ZNF775: variants seen among roughly 807,000 people sequenced by gnomAD.
The protein encoded by ZNF775 is zinc finger protein 775.
ZNF775 carries 1 observed loss-of-function variant against 2.4 expected under a neutral mutation model. The observed-to-expected ratio is 0.41, with a 90% CI of 0.15 to 1.94. The LOEUF is 1.94. ZNF775 is among the 30% of genes most tolerant of loss of function. The probability of loss-of-function intolerance (pLI) is 0.30; values close to 1 mark genes in which losing one functional copy is unlikely to be tolerated. For missense variants in ZNF775, 823 were observed against 826.6 expected (o/e 1.00, Z 0.05); for synonymous variants, 381 against 373.3 (o/e 1.02, Z -0.24).
At position 150,398,188 on chromosome 7, in the gene ZNF775, ACC is replaced by A; in HGVS notation, c.*96_*97del. On this transcript the variant is annotated 3_prime_UTR_variant, in exon 3 of 3. Transcript: ENST00000329630. ...GTGGCCAGGATTGCTGGCTCTTAGAACCCCTTAGAGCGGGACCGGTGGATTCC... is the reference window on the plus strand; with the variant it reads ...GTGGCCAGGATTGCTGGCTCTTAGAACCTTAGAGCGGGACCGGTGGATTCC... The A allele has an allele frequency of 6.7e-7, 1 of 1,499,574 alleles. No homozygotes were observed. Among genetic ancestry groups the A allele is most frequent in the South Asian group, 1.2e-5 (1 of 81,338 alleles). The allele number at this position is 1,499,574 out of a possible 1,614,324, so 92.9% of individuals were successfully genotyped here. A position where few individuals can be genotyped will look rare whatever the true frequency, so the allele number is the denominator to read the frequency against.
intron 2 of ZNF775, among the ~76,000 whole-genome samples, chr7:150,390,306 G>C (rs1444998550): frequency 6.6e-6 from 1 of 152,092 alleles, no homozygotes; most frequent in East Asian, 1.9e-4. Context: ...TTAGCACCTC[G>C]CCCAACCCAG....
intron 2 of ZNF775, among the ~76,000 whole-genome samples, chr7:150,388,951 T>C (rs1473072662): frequency 1.3e-5 from 2 of 152,260 alleles, no homozygotes; most frequent in South Asian, 2.1e-4. Context: ...AGGGTCGTTA[T>C]TGGCTAAGCC....
chr7:150,397,117 G>GCACGCCCGGGACCGC lies in ZNF775; in HGVS notation c.639_653dup (p.His213_Arg217dup). On this transcript the variant is annotated inframe_insertion, in exon 3 of 3. Coordinates refer to ENST00000329630, the MANE Select transcript of ZNF775 (RefSeq NM_173680.4). ...TGGGCCTCCGCATCCACCAGCGCGC[G>GCACGCCCGGGACCGC]CACGCCCGGGACCGCCAGGGCTCCC... 1 of 1,527,180 alleles carries GCACGCCCGGGACCGC rather than the reference G, an allele frequency of 6.5e-7. No individual in the cohort carries two copies. Among genetic ancestry groups the GCACGCCCGGGACCGC allele is most frequent in the Non-Finnish European group, 8.7e-7 (1 of 1,145,668 alleles). 94.6% of individuals were successfully genotyped at this position (1,527,180 alleles called of 1,614,324 possible).
At chr7:150,391,153 G>T (rs980015049) in intron 2 of ZNF775, among the ~76,000 whole-genome samples, 2 of 152,188 alleles carry the variant, frequency 1.3e-5, no homozygotes, top group African/African-American at 4.8e-5. Context: ...TCCTGGACTT[G>T]CACTGTCCAG....
intron 2 of ZNF775, among the ~76,000 whole-genome samples, chr7:150,395,753 C>A (rs139540436): frequency 1.4e-4 from 21 of 152,324 alleles, no homozygotes; most frequent in African/African-American, 4.6e-4. Context: ...CAAGTGTGGG[C>A]TGGGAGCAGT....
rs1373343658 is a variant in ZNF775 at position 150,398,030 on chromosome 7, C to G, written c.1549C>G (p.Leu517Val). 5 of 1,578,618 alleles carry G rather than the reference C, an allele frequency of 3.2e-6. No individual in the cohort carries two copies. Among genetic ancestry groups the G allele is most frequent in the Non-Finnish European group, 4.3e-6 (5 of 1,167,888 alleles). Residue 517 changes from leucine to valine, a missense_variant, in exon 3 of 3, where the codon CTG (leucine) becomes GTG (valine). By Grantham distance (32) the Leu-to-Val change is conservative (BLOSUM62 1). Transcript: ENST00000329630. ...CGRGFSQKQH[L>V]LKHQRVHRAA... ...CCGCGGCTTCAGCCAGAAGCAGCAC[C>G]TGCTCAAGCACCAGCGCGTGCACCG...
At chr7:150,381,422 C>G (rs936374965) in intron 1 of ZNF775, among the ~76,000 whole-genome samples, 5 of 152,116 alleles carry the variant, frequency 3.3e-5, no homozygotes, top group African/African-American at 7.2e-5. Context: ...GCTGTTCATA[C>G]CCTGAGGTAC....
chr7:150,397,580 C>T lies in ZNF775; in HGVS notation c.1099C>T (p.Pro367Ser). ...GCACCTGCCCGGCGCCCAGGCTGCG[C>T]CCTGCCCCAGCTGCGGTAAGAGCTG... ...RTHLPGAQAA[P>S]CPSCGKSCRS... is the part of the protein sequence containing the mutation. Residue 367 changes from proline (P) to serine (S), a missense_variant, in exon 3 of 3, where the codon CCC becomes TCC. By Grantham distance (74) the Pro-to-Ser change is moderately conservative (BLOSUM62 -1). Transcript: ENST00000329630. 3 of 1,485,704 alleles carry T rather than the reference C, an allele frequency of 2.0e-6. No individual in the cohort carries two copies. The highest frequency in any genetic ancestry group is 2.7e-6 in the Non-Finnish European group (3 of 1,125,696). The allele number at this position is 1,485,704 out of a possible 1,614,324, so 92.0% of individuals were successfully genotyped here.
chr7:150,397,698 C>T lies in ZNF775; in HGVS notation c.1217C>T (p.Ala406Val). 7.2e-7 allele frequency: 1 copy of T among 1,386,048 alleles called. No homozygotes were observed. Among genetic ancestry groups the T allele is most frequent in the Non-Finnish European group, 9.3e-7 (1 of 1,079,164 alleles). 85.9% of individuals were successfully genotyped at this position (1,386,048 alleles called of 1,614,324 possible). ...GGGGAACCGGGCGACCAGCCGCAGG[C>T]CGAGGCCATCCCGGGCTTGGCCGCG... ...PAGEPGDQPQ[A>V]EAIPGLAARP... Residue 406 changes from alanine to valine, a missense_variant, in exon 3 of 3, where the codon GCC (alanine) becomes GTC (valine). Physicochemically the swap from Ala to Val is moderately conservative, Grantham distance 64. Transcript: ENST00000329630.
rs1346891147 is a variant in ZNF775 at position 150,396,593 on chromosome 7, G to C, written c.112G>C (p.Glu38Gln). The change falls in exon 3 of 3, where the codon GAG becomes CAG. Residue 38 changes from glutamate (E) to glutamine (Q), a missense_variant. Transcript: ENST00000329630. Reference protein sequence around the residue: ...QTLAPQAMLVEKDKENIFQQH... With the variant: ...QTLAPQAMLVQKDKENIFQQH... ...GCTGGCGCCGCAGGCCATGCTTGTGGAGAAGGACAAGGAGAACATATTTCA... is the reference window on the plus strand; with the variant it reads ...GCTGGCGCCGCAGGCCATGCTTGTGCAGAAGGACAAGGAGAACATATTTCA... 1 of 1,610,394 alleles carries C rather than the reference G, an allele frequency of 6.2e-7. No homozygotes were observed. The highest frequency in any genetic ancestry group is 1.1e-5 in the South Asian group (1 of 90,458).
rs1293704712 is a variant in ZNF775, at chr7:150,397,753, G to A, written c.1272G>A (p.Gly424=). The stretch of plus-strand genomic sequence containing the variant: ...CGCGGAGCTCCCAACGGTCCCCGGG[G>A]GCCCGGGACACGCTGTGGGGCCGGG... ...ARPRSSQRSP[G]ARDTLWGRGQ... is the part of the protein sequence containing the mutation. The change falls in exon 3 of 3, where the codon GGG becomes GGA. Residue 424 remains glycine, a synonymous_variant. Coordinates refer to ENST00000329630, the MANE Select transcript of ZNF775 (RefSeq NM_173680.4). The A allele has an allele frequency of 6.7e-7, 1 of 1,490,248 alleles. No individual in the cohort carries two copies. 92.3% of individuals were successfully genotyped at this position (1,490,248 alleles called of 1,614,324 possible).
chr7:150,392,549 CTCTCT>C (rs1800578036), intron 2 of ZNF775, among the ~76,000 whole-genome samples: 1 of 8,526 alleles, frequency 1.2e-4, no homozygotes, highest in African/African-American at 1.5e-4. Flanking sequence ...AAATGGATCT[CTCTCT>C]CTCTCTCTCT....
At chr7:150,393,616 C>T (rs1419598691) in intron 2 of ZNF775, among the ~76,000 whole-genome samples, 1 of 152,224 alleles carries the variant, frequency 6.6e-6, no homozygotes, top group Non-Finnish European at 1.5e-5. Context: ...TGCTCAGCCT[C>T]ACTGTGTGCA....
chr7:150,396,279 A>G lies in ZNF775; in HGVS notation c.32-234A>G, dbSNP rs533610242. ...GTATTTTTCTCCTTCACTCCTTTCT[A>G]TATCTTAACCTGCCCTTGTTGTCCT... is the stretch of plus-strand genomic sequence containing the variant. On this transcript the variant is annotated intron_variant, in intron 2 of 2. Transcript: ENST00000329630. Among the ~76,000 whole-genome samples the G allele has an allele frequency of 1.3e-4, 20 of 151,882 alleles. No homozygotes were observed. The South Asian group carries it at 3.8e-3, about 29-fold the overall frequency.
rs1258814227 is a variant in ZNF775 at position 150,384,138 on chromosome 7, G to T, written c.-49-4284G>T. On this transcript the variant is annotated intron_variant, in intron 1 of 2. Coordinates refer to ENST00000329630, the MANE Select transcript of ZNF775 (RefSeq NM_173680.4). This position sits in a 1 kb window ranked among gnomAD's most constrained non-coding sequence, Gnocchi z 4.1. ...TAACTGAACTGCAGCCTGACCCGGT[G>T]CGCGGAGGGCCGGGCCAGGGCCAGG... Among the ~76,000 whole-genome samples the T allele has an allele frequency of 6.6e-6, 1 of 152,238 alleles. No homozygotes were observed. The highest frequency in any genetic ancestry group is 1.9e-4 in the East Asian group (1 of 5,190).
At chr7:150,381,241 G>A (rs1800355603) in intron 1 of ZNF775, among the ~76,000 whole-genome samples, 2 of 152,160 alleles carry the variant, frequency 1.3e-5, no homozygotes, top group African/African-American at 4.8e-5. Flanking sequence ...TTTACCTCTG[G>A]CCGGTGAAGG....
chr7:150,394,340 T>C (rs1023381656), intron 2 of ZNF775, among the ~76,000 whole-genome samples: 5 of 152,210 alleles, frequency 3.3e-5, no homozygotes, highest in Non-Finnish European at 7.3e-5. Flanking sequence ...TGCTGAACTC[T>C]TATTTCTATT....
chr7:150,397,088 C>T lies in ZNF775; in HGVS notation c.607C>T (p.Gln203Ter), dbSNP rs762492993. 6.4e-7 allele frequency: 1 copy of T among 1,571,874 alleles called. No individual in the cohort carries two copies. Among genetic ancestry groups the T allele is most frequent in the East Asian group, 2.3e-5 (1 of 43,514 alleles). ...CGAGTGCGAGCGCTGCTTCCGTCAC[C>T]AGGTGGGCCTCCGCATCCACCAGCG... ...CPECERCFRH[Q>*]VGLRIHQRAH... is the part of the protein sequence containing the mutation. The change falls in exon 3 of 3, where the codon CAG (glutamine) becomes TAG (stop). Residue 203 changes from glutamine (Q) to a stop codon, truncating the protein, a stop_gained. Transcript: ENST00000329630. LOFTEE classifies it low-confidence loss of function (END_TRUNC).
In ZNF775 at chr7:150,397,156, C is replaced by A. The variant is rs1488162925; in HGVS notation, c.675C>A (p.His225Gln). 1 of 1,445,620 alleles carries A rather than the reference C, an allele frequency of 6.9e-7. No individual in the cohort carries two copies. The allele number at this position is 1,445,620 out of a possible 1,614,324, so 89.5% of individuals were successfully genotyped here. The change falls in exon 3 of 3, where the codon CAC becomes CAA. Residue 225 changes from histidine to glutamine, a missense_variant. His to Gln is a conservative substitution (Grantham distance 24, BLOSUM62 0). Transcript: ENST00000329630. ...RDRQGSRAGLHELIQDAAARR... is the reference protein window; with the variant it reads ...RDRQGSRAGLQELIQDAAARR... ...GCCAGGGCTCCCGCGCCGGCCTGCA[C>A]GAGCTGATTCAGGACGCGGCGGCGC... is the stretch of plus-strand genomic sequence containing the variant.
Sources: gnomAD v4.1 joint callset for allele counts (sites outside exome capture counted in the v4.1 genomes callset) on GRCh38, gnomAD v4.1.1 for gene constraint, Gnocchi (gnomAD v3.1) non-coding constraint, MANE v1.5 for transcripts, NCBI Gene and HGNC (gene_info 2026-07-23, HGNC 2026-07-21) for gene names.